The following PITPNC1 variants were observed in gnomAD, a reference collection of about 807,000 sequenced individuals.
PITPNC1 encodes the protein phosphatidylinositol transfer protein cytoplasmic 1.
In PITPNC1, 18 loss-of-function variants were observed where a neutral mutation model predicts 44.7. The ratio of observed to expected loss-of-function variants is 0.40; its 90% CI spans 0.28 to 0.60. The LOEUF (loss-of-function observed/expected upper bound fraction) is 0.60, where lower values mean the gene tolerates loss of function less well. Among genes scored for constraint, PITPNC1 ranks in the 20% least tolerant of loss-of-function variants. The pLI is 0.39. For missense variants in PITPNC1, 290 were observed against 418.4 expected (o/e 0.69, Z 2.68); for synonymous variants, 141 against 149.6 (o/e 0.94, Z 0.42).
At chr17:67,480,537 T>C (rs2039688016) in intron 1 of PITPNC1, among the ~76,000 whole-genome samples, 1 of 152,188 alleles carries the variant, frequency 6.6e-6, no homozygotes. Flanking sequence ...ATGATATATA[T>C]GTATTTTTGA....
At chr17:67,400,744 C>T (rs922870330) in intron 1 of PITPNC1, among the ~76,000 whole-genome samples, 8 of 151,306 alleles carry the variant, frequency 5.3e-5, no homozygotes, top group African/African-American at 1.9e-4. Flanking sequence ...AAATGAAAGG[C>T]CTCTTTTTAA....
At chr17:67,410,077 C>T (rs1035932555) in intron 1 of PITPNC1, among the ~76,000 whole-genome samples, 1 of 152,142 alleles carries the variant, frequency 6.6e-6, no homozygotes, top group Non-Finnish European at 1.5e-5. Flanking sequence ...CTTCTATCAG[C>T]GATGTGTCAG....
At chr17:67,608,256 A>C (rs974996551) in intron 5 of PITPNC1, among the ~76,000 whole-genome samples, 6 of 146,848 alleles carry the variant, frequency 4.1e-5, no homozygotes, top group South Asian at 4.2e-4. Flanking sequence ...ACAAAAAAAA[A>C]CAAAAAAAAA....
intron 1 of PITPNC1, among the ~76,000 whole-genome samples, chr17:67,403,218 C>CAA (rs34768084): frequency 0.076 from 5,247 of 68,636 alleles, 747 homozygotes; most frequent in Middle Eastern, 0.11. Context: ...CTCATCTCTA[C>CAA]AAAAAAAAAA....
At chr17:67,506,997 T>C (rs1314117413) in intron 1 of PITPNC1, among the ~76,000 whole-genome samples, 1 of 152,198 alleles carries the variant, frequency 6.6e-6, no homozygotes, top group Non-Finnish European at 1.5e-5. Flanking sequence ...ATCGATGCTA[T>C]AATCAGTTGA....
intron 8 of PITPNC1, among the ~76,000 whole-genome samples, chr17:67,681,537 A>G (rs578195181): frequency 1.2e-4 from 17 of 138,022 alleles, no homozygotes; most frequent in African/African-American, 4.2e-4. Context: ...TGAGTCTGGG[A>G]GGTCAAGGCT....
chr17:67,426,950 C>T (rs905134969), intron 1 of PITPNC1, among the ~76,000 whole-genome samples: 5 of 152,186 alleles, frequency 3.3e-5, no homozygotes, highest in African/African-American at 1.2e-4. Context: ...GTTCTTTTCA[C>T]ATGCTGGTGA....
chr17:67,591,947 G>A (rs868644934), intron 5 of PITPNC1, among the ~76,000 whole-genome samples: 1 of 150,380 alleles, frequency 6.6e-6, no homozygotes, highest in Admixed American at 6.7e-5. Flanking sequence ...TCCTGGGCTC[G>A]AATGATCCTC....
chr17:67,683,208 T>A (rs2144446212), intron 8 of PITPNC1, among the ~76,000 whole-genome samples: 1 of 150,224 alleles, frequency 6.7e-6, no homozygotes, highest in Non-Finnish European at 1.5e-5. Context: ...ACATAAGCAT[T>A]TGTTTGCTGG....
chr17:67,635,695 G>A (rs1363095463), intron 6 of PITPNC1, among the ~76,000 whole-genome samples: 5 of 152,158 alleles, frequency 3.3e-5, no homozygotes, highest in Non-Finnish European at 5.9e-5. Flanking sequence ...AAAGAATCAG[G>A]AGTCTAAAAG....
chr17:67,462,069 C>G (rs1370919948), intron 1 of PITPNC1, among the ~76,000 whole-genome samples: 1 of 151,936 alleles, frequency 6.6e-6, no homozygotes, highest in Non-Finnish European at 1.5e-5. Flanking sequence ...CCTCTTGAAT[C>G]TAAAGAAAGC....
chr17:67,435,108 C>CAAAA (rs555005702), intron 1 of PITPNC1, among the ~76,000 whole-genome samples: 15 of 76,660 alleles, frequency 2.0e-4, no homozygotes, highest in African/African-American at 4.6e-4. Context: ...GACTCCATCT[C>CAAAA]AAAAAAAAAA....
chr17:67,389,206 C>T (rs1337769063), intron 1 of PITPNC1, among the ~76,000 whole-genome samples: 1 of 152,250 alleles, frequency 6.6e-6, no homozygotes, highest in Non-Finnish European at 1.5e-5. Context: ...GCCCTCTCCA[C>T]AACATGGCAG....
chr17:67,576,499 G>T (rs2041151975), intron 4 of PITPNC1, among the ~76,000 whole-genome samples: 1 of 152,190 alleles, frequency 6.6e-6, no homozygotes, highest in South Asian at 2.1e-4. Flanking sequence ...GGACTGTGAT[G>T]CTATCAGGCC....
rs1015850899 is a variant in PITPNC1, at chr17:67,695,326, A to G, written c.*2438A>G. The G allele has an allele frequency of 2.6e-5, 4 of 152,142 alleles. No homozygotes were observed. The allele number at this position is 152,142 out of a possible 1,614,324, so 9.4% of individuals were successfully genotyped here. A position where few individuals can be genotyped will look rare whatever the true frequency, so the allele number is the denominator to read the frequency against. Reference sequence around the variant, plus strand: ...TCATCAAAAGGCATAAATGACTTCAATATTTTATATATCTTGGTTTTCAAG... The same window carrying G: ...TCATCAAAAGGCATAAATGACTTCAGTATTTTATATATCTTGGTTTTCAAG... On this transcript the variant is annotated 3_prime_UTR_variant, in exon 9 of 9. Coordinates refer to ENST00000581322, the MANE Select transcript of PITPNC1 (RefSeq NM_012417.4).
chr17:67,435,784 G>A (rs1448308563), intron 1 of PITPNC1, among the ~76,000 whole-genome samples: 1 of 152,088 alleles, frequency 6.6e-6, no homozygotes, highest in African/African-American at 2.4e-5. Flanking sequence ...CCTGGGAGGA[G>A]GAGGTTGCAG....
chr17:67,683,834 C>T (rs143204840), intron 8 of PITPNC1, among the ~76,000 whole-genome samples: 7 of 151,100 alleles, frequency 4.6e-5, no homozygotes, highest in East Asian at 2.0e-4. Context: ...AAAAATCAGC[C>T]GGGCGTGGTG....
intron 5 of PITPNC1, among the ~76,000 whole-genome samples, chr17:67,605,924 G>A (rs1598878065): frequency 6.6e-6 from 1 of 152,210 alleles, no homozygotes; most frequent in African/African-American, 2.4e-5. Context: ...TTGCAGATGA[G>A]GGAACTGTGG....
chr17:67,535,493 G>T (rs1018423751), intron 2 of PITPNC1, among the ~76,000 whole-genome samples: 2 of 152,172 alleles, frequency 1.3e-5, no homozygotes, highest in African/African-American at 4.8e-5. Context: ...TAGGAACTTT[G>T]TAAGTTTTGC....
Sources: gnomAD v4.1 joint callset for allele counts (sites outside exome capture counted in the v4.1 genomes callset) on GRCh38, gnomAD v4.1.1 for gene constraint, MANE v1.5 for transcripts, NCBI Gene and HGNC (gene_info 2026-07-23, HGNC 2026-07-21) for gene names.